RFX1: variants seen among roughly 807,000 people sequenced by gnomAD.
The protein encoded by RFX1 is MHC class II regulatory factor RFX1.
RFX1 carries 42 observed loss-of-function variants against 119.6 expected under a neutral mutation model. The ratio of observed to expected loss-of-function variants is 0.35; its 90% CI spans 0.27 to 0.45. The LOEUF is 0.45. Among genes scored for constraint, RFX1 ranks in the 20% least tolerant of loss-of-function variants. The pLI is 1.00. For missense variants in RFX1, 1,118 were observed against 1,368.1 expected (o/e 0.82, Z 2.88); for synonymous variants, 628 against 618.5 (o/e 1.02, Z -0.23).
intron 2 of RFX1, among the ~76,000 whole-genome samples, chr19:13,987,490 G>C (rs1027932460): frequency 1.3e-5 from 2 of 152,136 alleles, no homozygotes; most frequent in Non-Finnish European, 1.5e-5. Flanking sequence ...GATTGCTCCT[G>C]GCTTGGGAGA....
intron 9 of RFX1, among the ~76,000 whole-genome samples, chr19:13,971,836 C>T (rs988512562): frequency 2.2e-4 from 34 of 151,980 alleles, no homozygotes; most frequent in Non-Finnish European, 4.6e-4. Context: ...GGTGAAACCC[C>T]GTCTCTACTA....
rs1410341044 is a variant in RFX1 at position 13,969,764 on chromosome 19, G to A, written c.1496+230C>T. 2.2e-6 allele frequency: 1 copy of A among 461,438 alleles called. No individual in the cohort carries two copies. Among genetic ancestry groups the A allele is most frequent in the Non-Finnish European group, 3.8e-6 (1 of 261,716 alleles). 28.6% of individuals were successfully genotyped at this position (461,438 alleles called of 1,614,324 possible). On this transcript the variant is annotated intron_variant, in intron 10 of 20. Coordinates refer to ENST00000254325, the MANE Select transcript of RFX1 (RefSeq NM_002918.5). This position sits in a 1 kb window ranked among gnomAD's most constrained non-coding sequence, Gnocchi z 4.5. ...GGGAGAGGGGGAGGCTGCAGTTTTA[G>A]TTGAGGCAGTCAGGGGACGTGCAAG...
intron 2 of RFX1, among the ~76,000 whole-genome samples, chr19:13,992,864 A>G (rs11880520): frequency 0.085 from 12,973 of 152,192 alleles, 1,826 homozygotes; most frequent in African/African-American, 0.29. Context: ...GAGCATGGTG[A>G]CTCATGCCTG....
intron 1 of RFX1, among the ~76,000 whole-genome samples, chr19:13,996,674 C>T (rs1047588559): frequency 2.6e-5 from 4 of 151,234 alleles, no homozygotes; most frequent in Non-Finnish European, 4.4e-5. Flanking sequence ...TACATTCTGT[C>T]AGTCCCCAAC....
rs775753500 is a variant in RFX1, at chr19:13,968,713, G to A, written c.1617-33C>T. 1.9e-6 allele frequency: 3 copies of A among 1,610,066 alleles called. No individual in the cohort carries two copies. The highest frequency in any genetic ancestry group is 2.7e-5 in the African/African-American group (2 of 74,920). On this transcript the variant is annotated intron_variant, in intron 11 of 20. Transcript: ENST00000254325. This position sits in a 1 kb window ranked among gnomAD's most constrained non-coding sequence, Gnocchi z 5.5. ...AGAATGGGCAGGTGGGCCGGCTGCTGGGGGCCGGCCTGTGTGCCCTTCCCC... is the reference window on the plus strand; with the variant it reads ...AGAATGGGCAGGTGGGCCGGCTGCTAGGGGCCGGCCTGTGTGCCCTTCCCC...
intron 2 of RFX1, among the ~76,000 whole-genome samples, chr19:13,989,717 C>T (rs1156666274): frequency 1.3e-5 from 2 of 152,188 alleles, no homozygotes; most frequent in Non-Finnish European, 2.9e-5. Context: ...CCCATGGAAC[C>T]ACCTGGCTTG....
intron 2 of RFX1, among the ~76,000 whole-genome samples, chr19:13,992,998 T>C (rs753374442): frequency 9.2e-5 from 14 of 152,032 alleles, no homozygotes; most frequent in Non-Finnish European, 2.1e-4. Context: ...AAAAATTAGC[T>C]GGGCACAGCT....
rs182426517 is a variant in RFX1 at position 13,965,298 on chromosome 19, G to T, written c.2211+151C>A. 14 of 707,180 alleles carry T rather than the reference G, an allele frequency of 2.0e-5. No individual in the cohort carries two copies. Among genetic ancestry groups the T allele is most frequent in the Non-Finnish European group, 4.9e-6 (2 of 405,920 alleles). 43.8% of individuals were successfully genotyped at this position (707,180 alleles called of 1,614,324 possible). The stretch of plus-strand genomic sequence containing the variant: ...ACTGGTTTATAAAGACAATGCCCAG[G>T]GTGCTCCCCGAGGCGGAGAAGGTCT... On this transcript the variant is annotated intron_variant, in intron 16 of 20. Coordinates refer to ENST00000254325, the MANE Select transcript of RFX1 (RefSeq NM_002918.5). The surrounding 1 kb of genome is among the most constrained non-coding windows in gnomAD (Gnocchi z 4.7).
chr19:13,963,558 G>C lies in RFX1; in HGVS notation c.2550C>G (p.Leu850=). Residue 850 remains leucine, a synonymous_variant, in exon 18 of 21, where the codon CTC becomes CTG. Transcript: ENST00000254325. ...AGFPKAAKLF[L]LKWSFYSSMV... ...CGCACCTGTAGAAGGACCACTTGAG[G>C]AGGAAGAGCTTGGCGGCCTTGGGGA... 6.2e-7 allele frequency: 1 copy of C among 1,604,642 alleles called. No homozygotes were observed. Among genetic ancestry groups the C allele is most frequent in the Non-Finnish European group, 8.5e-7 (1 of 1,179,244 alleles).
chr19:14,000,825 C>T (rs1033137069), intron 1 of RFX1, among the ~76,000 whole-genome samples: 8 of 152,024 alleles, frequency 5.3e-5, no homozygotes, highest in African/African-American at 1.2e-4. Context: ...ACAGGCATGG[C>T]GGCTCACGCC....
upstream of RFX1, chr19:14,006,564 A>T (rs1398205314): frequency 6.6e-6 from 1 of 152,254 alleles, no homozygotes; most frequent in African/African-American, 2.4e-5. Flanking sequence ...GGTTAAGAAT[A>T]AAGGGGTAGG....
Position 13,979,499 on chromosome 19 carries a change from G to A in RFX1, c.782C>T (p.Pro261Leu), listed in dbSNP as rs199915135. 3 of 1,603,532 alleles carry A rather than the reference G, an allele frequency of 1.9e-6. No homozygotes were observed. Among genetic ancestry groups the A allele is most frequent in the East Asian group, 2.3e-5 (1 of 44,048 alleles). ...GCCCTGCACGGTCAGCGGCTGCACC[G>A]GGCCGGGTTTGGGCGCTTGTGGAGT... ...QATPQAPKPG[P>L]VQPLTVQGLQ... Residue 261 changes from proline to leucine, a missense_variant, in exon 7 of 21, where the codon CCG becomes CTG. By Grantham distance (98) the Pro-to-Leu change is moderately conservative. Transcript: ENST00000254325.
chr19:13,989,406 T>C (rs1311952551), intron 2 of RFX1, among the ~76,000 whole-genome samples: 1 of 152,078 alleles, frequency 6.6e-6, no homozygotes, highest in Admixed American at 6.5e-5. Flanking sequence ...GTTTCACTCT[T>C]GTTGCCCAGG....
At position 13,963,989 on chromosome 19, in the gene RFX1, A is replaced by G; in HGVS notation, c.2230T>C (p.Phe744Leu). ...GTGTAGCGCCGCAGTGTCTGCGCGA[A>G]GGCGCCAGCCGCGGCCACCTGCGTG... ...LRVKVAAAGA[F>L]AQTLRRYTSL... Residue 744 changes from phenylalanine to leucine, a missense_variant, in exon 17 of 21, where the codon TTC (phenylalanine) becomes CTC (leucine). Physicochemically the swap from Phe to Leu is conservative, Grantham distance 22. Transcript: ENST00000254325. 6.5e-7 allele frequency: 1 copy of G among 1,536,114 alleles called. No individual in the cohort carries two copies. Among genetic ancestry groups the G allele is most frequent in the South Asian group, 1.2e-5 (1 of 83,940 alleles).
intron 2 of RFX1, among the ~76,000 whole-genome samples, chr19:13,987,456 C>G (rs1974640396): frequency 6.6e-6 from 1 of 152,176 alleles, no homozygotes; most frequent in South Asian, 2.1e-4. Context: ...TCCCTGCCAC[C>G]TCCCTGGGTC....
At chr19:13,987,914 G>C (rs983679665) in intron 2 of RFX1, among the ~76,000 whole-genome samples, 1 of 152,138 alleles carries the variant, frequency 6.6e-6, no homozygotes, top group Non-Finnish European at 1.5e-5. Context: ...CTACCAAGAT[G>C]GGGGAGACAG....
rs1023173825 is a variant in RFX1, at chr19:13,986,965, C to G, written c.320-3370G>C. On this transcript the variant is annotated intron_variant, in intron 2 of 20. Coordinates refer to ENST00000254325, the MANE Select transcript of RFX1 (RefSeq NM_002918.5). This position sits in a 1 kb window ranked among gnomAD's most constrained non-coding sequence, Gnocchi z 4.2. ...TGTCAGTCAGGGGCTCCTGGAGGGGCCCCTGCTGCCCCCAGTGTCCTCTAT... is the reference window on the plus strand; with the variant it reads ...TGTCAGTCAGGGGCTCCTGGAGGGGGCCCTGCTGCCCCCAGTGTCCTCTAT... 6.6e-6 allele frequency among the ~76,000 whole-genome samples: 1 copy of G among 152,170 alleles called. No homozygotes were observed. The highest frequency in any genetic ancestry group is 1.5e-5 in the Non-Finnish European group (1 of 68,012).
intron 1 of RFX1, among the ~76,000 whole-genome samples, 169 bp downstream of exon 1, chr19:14,005,934 G>A (rs1975360856): frequency 6.7e-6 from 1 of 150,314 alleles, no homozygotes; most frequent in Non-Finnish European, 1.5e-5. Flanking sequence ...GGGGGCGGGT[G>A]GTGTCGTTCC....
In RFX1 at chr19:13,969,341, T is replaced by C. The variant is rs1213587770; in HGVS notation, c.1497-447A>G. Among the ~76,000 whole-genome samples, 1 of 151,930 alleles carries C rather than the reference T, an allele frequency of 6.6e-6. No homozygotes were observed. The highest frequency in any genetic ancestry group is 1.5e-5 in the Non-Finnish European group (1 of 67,992). ...AGCACTGCAGACGGACCAGAACAAC[T>C]GAAATAAGTCATGTAAAAGGCACGT... On this transcript the variant is annotated intron_variant, in intron 10 of 20. Coordinates refer to ENST00000254325, the MANE Select transcript of RFX1 (RefSeq NM_002918.5). The surrounding 1 kb of genome is among the most constrained non-coding windows in gnomAD (Gnocchi z 4.5).
Sources: allele counts gnomAD v4.1 joint callset (sites outside exome capture counted in the v4.1 genomes callset), GRCh38; gene constraint gnomAD v4.1.1; non-coding constraint Gnocchi (gnomAD v3.1); transcripts MANE v1.5; gene names NCBI Gene and HGNC (gene_info 2026-07-23, HGNC 2026-07-21).